The following GPR137C variants were observed in gnomAD, a reference collection of about 807,000 sequenced individuals.
The protein encoded by GPR137C is integral membrane protein GPR137C.
A neutral mutation model predicts 43.4 loss-of-function variants in GPR137C; 27 were observed. That is an observed-to-expected ratio of 0.62 (90% CI 0.46 to 0.86). GPR137C has a LOEUF of 0.86. Among genes scored for constraint, GPR137C ranks in the 40% least tolerant of loss-of-function variants. The probability of loss-of-function intolerance (pLI) is 0.00; values close to 1 mark genes in which losing one functional copy is unlikely to be tolerated. For missense variants in GPR137C, 522 were observed against 534.6 expected (o/e 0.98, Z 0.23); for synonymous variants, 285 against 226.9 (o/e 1.26, Z -2.30).
At chr14:52,614,687 A>G (rs1190009049) in intron 3 of GPR137C, among the ~76,000 whole-genome samples, 2 of 151,770 alleles carry the variant, frequency 1.3e-5, no homozygotes, top group South Asian at 2.1e-4. Flanking sequence ...GGGTCTCGCT[A>G]TGTTACCCAG....
At position 52,553,495 on chromosome 14, in the gene GPR137C, C is replaced by T. The variant is rs1311667123; in HGVS notation, c.348C>T (p.Pro116=). 4 of 1,609,064 alleles carry T rather than the reference C, an allele frequency of 2.5e-6. No homozygotes were observed. Among genetic ancestry groups the T allele is most frequent in the Non-Finnish European group, 3.4e-6 (4 of 1,179,788 alleles). Residue 116 remains proline, a synonymous_variant, in exon 1 of 7, where the codon CCC becomes CCT. Transcript: ENST00000321662. The stretch of plus-strand genomic sequence containing the variant: ...GCTCCCTGCCCTTGCTCCGGCCGCC[C>T]GCTCACCTGCACTTCTTCCCCCACT... ...LSGSLPLLRP[P]AHLHFFPHWL... is the part of the protein sequence containing the mutation.
chr14:52,569,309 G>T (rs2038426793), intron 1 of GPR137C, among the ~76,000 whole-genome samples: 1 of 151,930 alleles, frequency 6.6e-6, no homozygotes, highest in East Asian at 1.9e-4. Context: ...AAGACCAAAG[G>T]TAGGTAAATC....
intron 1 of GPR137C, among the ~76,000 whole-genome samples, chr14:52,581,272 G>A (rs1391746650): frequency 1.3e-5 from 2 of 150,518 alleles, no homozygotes; most frequent in African/African-American, 4.9e-5. Flanking sequence ...AGTGGCTCAT[G>A]CTTGTAATCC....
intron 6 of GPR137C, among the ~76,000 whole-genome samples, 186 bp downstream of exon 6, chr14:52,634,132 T>G (rs557881719): frequency 6.6e-6 from 1 of 152,282 alleles, no homozygotes; most frequent in South Asian, 2.1e-4. Context: ...TATCAGGAAC[T>G]ACCATTTGAC....
At chr14:52,615,132 G>A (rs2039084185) in intron 3 of GPR137C, among the ~76,000 whole-genome samples, 1 of 152,186 alleles carries the variant, frequency 6.6e-6, no homozygotes, top group Admixed American at 6.5e-5. Context: ...ATTTTTGCAT[G>A]TAGCAAGAGA....
chr14:52,608,608 C>T (rs899642734), intron 3 of GPR137C, among the ~76,000 whole-genome samples: 2 of 152,126 alleles, frequency 1.3e-5, no homozygotes, highest in Admixed American at 1.3e-4. Context: ...TTCCCTTTAG[C>T]ATTTATTGTA....
chr14:52,602,052 C>T (rs140526207), intron 3 of GPR137C, among the ~76,000 whole-genome samples: 6 of 150,544 alleles, frequency 4.0e-5, no homozygotes, highest in African/African-American at 7.3e-5. Flanking sequence ...CATGTTCAGA[C>T]GTGTTCACCT....
At position 52,598,658 on chromosome 14, in the gene GPR137C, C is replaced by A. The variant is rs137885160; in HGVS notation, c.488+343C>A. Among the ~76,000 whole-genome samples the A allele has an allele frequency of 3.0e-3, 459 of 152,252 alleles. 2 individuals are homozygous for A. The highest frequency in any genetic ancestry group is 0.01 in the African/African-American group (433 of 41,554). On this transcript the variant is annotated intron_variant, in intron 2 of 6. Transcript: ENST00000321662. ...TATGCTGTTTGGAGTGAGAATGTTC[C>A]ATGAAATAGGTAATATTTCAGTACT...
intron 1 of GPR137C, among the ~76,000 whole-genome samples, chr14:52,567,719 G>A (rs1162750554): frequency 6.7e-6 from 1 of 150,232 alleles, no homozygotes; most frequent in African/African-American, 2.5e-5. Context: ...TTGTGCAGTG[G>A]CGTGATCTCT....
chr14:52,594,195 G>A (rs189541030), intron 1 of GPR137C, among the ~76,000 whole-genome samples: 152 of 152,286 alleles, frequency 1.0e-3, no homozygotes, highest in African/African-American at 3.5e-3. Flanking sequence ...GACACAGTTT[G>A]TTGTCATTTG....
At chr14:52,618,608 A>G (rs1392784250) in intron 3 of GPR137C, among the ~76,000 whole-genome samples, 5 of 152,124 alleles carry the variant, frequency 3.3e-5, no homozygotes, top group Non-Finnish European at 5.9e-5. Flanking sequence ...TATCAGAATT[A>G]TAACTTTTTA....
chr14:52,566,237 C>G (rs1291852586), intron 1 of GPR137C, among the ~76,000 whole-genome samples: 1 of 152,168 alleles, frequency 6.6e-6, no homozygotes, highest in Non-Finnish European at 1.5e-5. Flanking sequence ...TTTTCATTAG[C>G]ATATTAATCA....
chr14:52,572,398 C>T (rs2038485046), intron 1 of GPR137C, among the ~76,000 whole-genome samples: 1 of 152,170 alleles, frequency 6.6e-6, no homozygotes. Flanking sequence ...GCTTATCCAC[C>T]ACAATCAACT....
At chr14:52,572,429 A>G (rs564126635) in intron 1 of GPR137C, among the ~76,000 whole-genome samples, 1 of 152,362 alleles carries the variant, frequency 6.6e-6, no homozygotes, top group Admixed American at 6.5e-5. Context: ...CCTGGAATGC[A>G]AGGCTGGTTC....
At position 52,586,757 on chromosome 14, in the gene GPR137C, T is replaced by C. The variant is rs529253138; in HGVS notation, c.445-11515T>C. On this transcript the variant is annotated intron_variant, in intron 1 of 6. Coordinates refer to ENST00000321662, the MANE Select transcript of GPR137C (RefSeq NM_001099652.2). ...GCATTCCAAAACTCACCTATTATCT[T>C]TATTTCTGCCTAGATGTAATACATT... 5.9e-5 allele frequency among the ~76,000 whole-genome samples: 9 copies of C among 152,336 alleles called. No individual in the cohort carries two copies. The South Asian group carries it at 1.9e-3, about 32-fold the overall frequency.
chr14:52,552,891 A>G lies in GPR137C; in HGVS notation c.-257A>G, dbSNP rs560688240. Reference sequence around the variant, plus strand: ...TTTCTCAGCTGATTGTCTCCAGCCGAGAGTTGTTTTTTGCAGCTACGGAGC... The same window carrying G: ...TTTCTCAGCTGATTGTCTCCAGCCGGGAGTTGTTTTTTGCAGCTACGGAGC... On this transcript the variant is annotated 5_prime_UTR_variant, in exon 1 of 7. Coordinates refer to ENST00000321662, the MANE Select transcript of GPR137C (RefSeq NM_001099652.2). 4.6e-5 allele frequency among the ~76,000 whole-genome samples: 7 copies of G among 150,802 alleles called. 1 individual carries two copies. The highest frequency in any genetic ancestry group is 4.2e-4 in the South Asian group (2 of 4,766).
chr14:52,631,948 G>A (rs1009110937), intron 3 of GPR137C, among the ~76,000 whole-genome samples: 23 of 100,996 alleles, frequency 2.3e-4, no homozygotes, highest in African/African-American at 7.0e-4. Context: ...TATTTGGCAA[G>A]TTGGCAAAAA....
At chr14:52,579,761 T>C (rs2038616405) in intron 1 of GPR137C, among the ~76,000 whole-genome samples, 1 of 152,204 alleles carries the variant, frequency 6.6e-6, no homozygotes, top group South Asian at 2.1e-4. Context: ...CATTCAGCAA[T>C]GAGGTGTAAC....
At chr14:52,560,433 T>C (rs1471670106) in intron 1 of GPR137C, among the ~76,000 whole-genome samples, 2 of 152,204 alleles carry the variant, frequency 1.3e-5, no homozygotes, top group Admixed American at 6.5e-5. Flanking sequence ...TGCGTGGACA[T>C]ACGAGGGACT....
Sources: allele counts gnomAD v4.1 joint callset (sites outside exome capture counted in the v4.1 genomes callset), GRCh38; gene constraint gnomAD v4.1.1; transcripts MANE v1.5; gene names NCBI Gene and HGNC (gene_info 2026-07-23, HGNC 2026-07-21).